Variants in HCN1 observed in about 807,000 individuals in gnomAD.
HCN1 encodes the protein hyperpolarization activated cyclic nucleotide gated potassium channel 1, also known as potassium/sodium hyperpolarization-activated cyclic nucleotide-gated channel 1.
HCN1 carries 13 observed loss-of-function variants against 78.9 expected under a neutral mutation model. The ratio of observed to expected loss-of-function variants is 0.16; its 90% CI spans 0.11 to 0.26. The LOEUF is 0.26. HCN1 is among the 10% of genes least tolerant of loss of function. The pLI is 1.00. For missense variants in HCN1, 810 were observed against 1,154.3 expected, an observed-to-expected ratio of 0.70 and a Z score of 4.32; for synonymous variants, 552 against 455.5, an observed-to-expected ratio of 1.21 and a Z score of -2.70.
chr5:45,620,247 T>A (rs1236633587), intron 2 of HCN1, among the ~76,000 whole-genome samples: 1 of 152,022 alleles, frequency 6.6e-6, no homozygotes, highest in East Asian at 1.9e-4. Context: ...GCATATTTAA[T>A]CCTACAATAG....
chr5:45,413,771 C>T (rs748648013), intron 3 of HCN1, among the ~76,000 whole-genome samples: 1 of 151,872 alleles, frequency 6.6e-6, no homozygotes, highest in Non-Finnish European at 1.5e-5. Flanking sequence ...TTAGAATGCA[C>T]TATGACATTT....
intron 5 of HCN1, among the ~76,000 whole-genome samples, chr5:45,312,971 A>C (rs546615342): frequency 2.0e-3 from 300 of 152,122 alleles, no homozygotes; most frequent in African/African-American, 6.8e-3. Context: ...GGCAGCAGAA[A>C]CCTCTGCAGA....
At chr5:45,440,649 T>A (rs7721731) in intron 3 of HCN1, among the ~76,000 whole-genome samples, 38,031 of 152,100 alleles carry the variant, frequency 0.25, 4,978 homozygotes, top group East Asian at 0.32. Flanking sequence ...TTTGTCTACC[T>A]CAAGCATTTA....
intron 2 of HCN1, among the ~76,000 whole-genome samples, chr5:45,517,520 T>TAAA (rs773490588): frequency 0.049 from 4,666 of 94,276 alleles, 214 homozygotes; most frequent in East Asian, 0.12. Context: ...AATTTCCCCT[T>TAAA]AAAAAAAAAA....
intron 1 of HCN1, among the ~76,000 whole-genome samples, chr5:45,686,591 C>T (rs1440482218): frequency 6.6e-6 from 1 of 152,042 alleles, no homozygotes; most frequent in African/African-American, 2.4e-5. Flanking sequence ...AAGCAAGGAA[C>T]TGTGATTCTT....
chr5:45,511,261 G>T (rs1037939360), intron 2 of HCN1, among the ~76,000 whole-genome samples: 4 of 151,974 alleles, frequency 2.6e-5, no homozygotes, highest in African/African-American at 9.7e-5. Flanking sequence ...ATTGAATCAA[G>T]AGATAAATGG....
At chr5:45,275,524 T>C (rs552958019) in intron 6 of HCN1, among the ~76,000 whole-genome samples, 1 of 152,302 alleles carries the variant, frequency 6.6e-6, no homozygotes, top group South Asian at 2.1e-4. Flanking sequence ...ACTCCTTAAC[T>C]TCTCTCCCTT....
At chr5:45,467,423 A>C (rs1474719985) in intron 2 of HCN1, among the ~76,000 whole-genome samples, 1 of 152,130 alleles carries the variant, frequency 6.6e-6, no homozygotes, top group Non-Finnish European at 1.5e-5. Flanking sequence ...GGCATCAAAC[A>C]ACCTCCCAAT....
chr5:45,666,113 G>A (rs1580034670), intron 1 of HCN1, among the ~76,000 whole-genome samples: 1 of 152,058 alleles, frequency 6.6e-6, no homozygotes, highest in Admixed American at 6.6e-5. Flanking sequence ...TCTTTCTGCT[G>A]AACTTGTGTA....
At position 45,371,842 on chromosome 5, in the gene HCN1, A is replaced by G. The variant is rs534843724; in HGVS notation, c.1231-18596T>C. 8.8e-4 allele frequency among the ~76,000 whole-genome samples: 114 copies of G among 129,750 alleles called. No homozygotes were observed. In the South Asian group the frequency reaches 8.8e-3, roughly 10 times the overall value. The allele number at this position is 129,750 out of a possible 152,430, so 85.1% of individuals were successfully genotyped here. On this transcript the variant is annotated intron_variant, in intron 4 of 7. Transcript: ENST00000303230. ...CTGTTTTCTACTATTTATATTATAT[A>G]TAAAATATATATAATATACATTAGT...
intron 6 of HCN1, among the ~76,000 whole-genome samples, chr5:45,291,412 T>C (rs9790873): frequency 0.23 from 34,540 of 151,964 alleles, 4,984 homozygotes; most frequent in African/African-American, 0.4. Context: ...TCTCTCTGGT[T>C]TAGCAAAGCT....
intron 2 of HCN1, among the ~76,000 whole-genome samples, chr5:45,607,082 G>A (rs928144251): frequency 2.6e-5 from 4 of 151,710 alleles, no homozygotes; most frequent in African/African-American, 9.7e-5. Flanking sequence ...CATGAACACT[G>A]TTATGCCTTC....
At chr5:45,606,444 T>C (rs1744728549) in intron 2 of HCN1, among the ~76,000 whole-genome samples, 2 of 152,016 alleles carry the variant, frequency 1.3e-5, no homozygotes, top group Admixed American at 6.6e-5. Context: ...TGAGGAAATA[T>C]GCTAAGCTCT....
At position 45,346,823 on chromosome 5, in the gene HCN1, C is replaced by G. The variant is rs146194329; in HGVS notation, c.1377+6277G>C. ...AGCGAGGCTGCGGGAGGGGCACCCT[C>G]CATGGCCCAGGCTTGCTTAGGTAAA... On this transcript the variant is annotated intron_variant, in intron 5 of 7. Transcript: ENST00000303230. Among the ~76,000 whole-genome samples, 452 of 152,338 alleles carry G rather than the reference C, an allele frequency of 3.0e-3. 2 individuals are homozygous for G. Among genetic ancestry groups the G allele is most frequent in the African/African-American group, 0.01 (428 of 41,588 alleles).
chr5:45,587,754 A>G (rs1433360150), intron 2 of HCN1, among the ~76,000 whole-genome samples: 1 of 152,166 alleles, frequency 6.6e-6, no homozygotes, highest in African/African-American at 2.4e-5. Context: ...AAGACCCAGA[A>G]CATATGTCAT....
chr5:45,319,636 G>A (rs938146344), intron 5 of HCN1, among the ~76,000 whole-genome samples: 11 of 150,724 alleles, frequency 7.3e-5, no homozygotes, highest in African/African-American at 2.7e-4. Flanking sequence ...TCTGTGGCTT[G>A]CCTTTTCACT....
chr5:45,376,604 T>C (rs372484551), intron 4 of HCN1, among the ~76,000 whole-genome samples: 84 of 151,846 alleles, frequency 5.5e-4, no homozygotes, highest in African/African-American at 2.0e-3. Context: ...TGGCTGGTGA[T>C]TTAAAGTTTG....
intron 6 of HCN1, among the ~76,000 whole-genome samples, chr5:45,280,237 A>T (rs540921396): frequency 6.6e-6 from 1 of 152,146 alleles, no homozygotes; most frequent in African/African-American, 2.4e-5. Context: ...CATCATCACT[A>T]TCATAGCAGA....
chr5:45,687,797 G>A (rs191877172), intron 1 of HCN1, among the ~76,000 whole-genome samples: 11 of 152,134 alleles, frequency 7.2e-5, no homozygotes, highest in Non-Finnish European at 8.8e-5. Flanking sequence ...GTACACATGC[G>A]GGAATTTTTG....
Sources: gnomAD v4.1 joint callset for allele counts (sites outside exome capture counted in the v4.1 genomes callset) on GRCh38, gnomAD v4.1.1 for gene constraint, MANE v1.5 for transcripts, NCBI Gene and HGNC (gene_info 2026-07-23, HGNC 2026-07-21) for gene names.